The following SCCPDH variants were observed in gnomAD, a reference collection of about 807,000 sequenced individuals.
SCCPDH encodes the protein saccharopine dehydrogenase (putative).
A neutral mutation model predicts 51.5 loss-of-function variants in SCCPDH; 34 were observed. The observed-to-expected ratio is 0.66, with a 90% CI of 0.50 to 0.88. The LOEUF is 0.88. Among genes scored for constraint, SCCPDH ranks in the 40% least tolerant of loss-of-function variants. The pLI is 0.00. For missense variants in SCCPDH, 464 were observed against 527.1 expected (o/e 0.88, Z 1.17); for synonymous variants, 187 against 191.3 (o/e 0.98, Z 0.19).
At chr1:246,759,258 A>T in intron 7 of SCCPDH, 107 bp downstream of exon 7, 1 of 684,014 alleles carries the variant, frequency 1.5e-6, no homozygotes, top group Non-Finnish European at 2.6e-6. Flanking sequence ...GAGCTAAGTA[A>T]TACATGTTTC....
chr1:246,739,347 G>A (rs1467318442), intron 3 of SCCPDH, among the ~76,000 whole-genome samples: 1 of 152,166 alleles, frequency 6.6e-6, no homozygotes, highest in Non-Finnish European at 1.5e-5. Flanking sequence ...AATGAGAAAA[G>A]CATGAGACAA....
At chr1:246,755,247 C>G (rs1162895403) in intron 5 of SCCPDH, among the ~76,000 whole-genome samples, 1 of 152,172 alleles carries the variant, frequency 6.6e-6, no homozygotes, top group Non-Finnish European at 1.5e-5. Flanking sequence ...CAATTCCCAT[C>G]AAAATCACAA....
chr1:246,746,151 G>T, intron 5 of SCCPDH, among the ~76,000 whole-genome samples: 1 of 149,044 alleles, frequency 6.7e-6, no homozygotes, highest in South Asian at 2.1e-4. Context: ...GGCTTTATTT[G>T]GCTGGAGCTT....
intron 2 of SCCPDH, among the ~76,000 whole-genome samples, chr1:246,730,471 A>C (rs1668476592): frequency 6.6e-6 from 1 of 152,168 alleles, no homozygotes; most frequent in South Asian, 2.1e-4. Context: ...ATTAGGTTGC[A>C]GTAAAGTGAA....
intron 2 of SCCPDH, among the ~76,000 whole-genome samples, chr1:246,734,273 A>G (rs1404138303): frequency 6.6e-6 from 1 of 152,248 alleles, no homozygotes; most frequent in Non-Finnish European, 1.5e-5. Flanking sequence ...AGGATCAACC[A>G]GGATAATCCA....
intron 5 of SCCPDH, chr1:246,755,869 C>A (rs542552279): frequency 2.0e-5 from 3 of 152,266 alleles, no homozygotes; most frequent in African/African-American, 7.2e-5. Context: ...AGCAGGCCTC[C>A]GGGCTTCAAG....
intron 3 of SCCPDH, among the ~76,000 whole-genome samples, chr1:246,736,593 TGGGAGGCTGA>T (rs915557660): frequency 6.6e-6 from 1 of 151,742 alleles, no homozygotes; most frequent in Non-Finnish European, 1.5e-5. Context: ...CCCAGCTTCT[TGGGAGGCTGA>T]GGTGGGAGAA....
intron 2 of SCCPDH, among the ~76,000 whole-genome samples, chr1:246,732,991 C>T (rs1413727251): frequency 6.6e-6 from 1 of 152,202 alleles, no homozygotes; most frequent in Non-Finnish European, 1.5e-5. Flanking sequence ...CAGCCATTTG[C>T]TCAGTTTTGT....
chr1:246,749,756 CTT>C (rs1668823949), intron 5 of SCCPDH, among the ~76,000 whole-genome samples: 1 of 152,208 alleles, frequency 6.6e-6, no homozygotes, highest in Admixed American at 6.5e-5. Flanking sequence ...ATACTGGACT[CTT>C]TGTCAAAGTC....
At chr1:246,737,667 C>T (rs1450447059) in intron 3 of SCCPDH, among the ~76,000 whole-genome samples, 1 of 151,966 alleles carries the variant, frequency 6.6e-6, no homozygotes. Context: ...TCTTGGCTCA[C>T]TGTAACCTCT....
chr1:246,756,369 T>C (rs1668932786), intron 5 of SCCPDH, among the ~76,000 whole-genome samples: 2 of 152,238 alleles, frequency 1.3e-5, no homozygotes. Flanking sequence ...GAGGGCCTTC[T>C]TAGTTGCTGG....
In SCCPDH at chr1:246,760,011, A is replaced by G. The variant is rs1404695875; in HGVS notation, c.868A>G (p.Met290Val). The stretch of plus-strand genomic sequence containing the variant: ...AGGCATCACCTCTGTTATTAAGCTG[A>G]TGTTTGCAGGACTTTTCTTTTTGTT... ...VGGITSVIKL[M>V]FAGLFFLFFV... The change falls in exon 8 of 12, where the codon ATG (methionine) becomes GTG (valine). Residue 290 changes from methionine to valine, a missense_variant. Physicochemically the swap from Met to Val is conservative, Grantham distance 21. Transcript: ENST00000366510. 6.2e-7 allele frequency: 1 copy of G among 1,613,734 alleles called. No homozygotes were observed.
chr1:246,743,839 C>T (rs1296924272), intron 4 of SCCPDH, among the ~76,000 whole-genome samples: 2 of 152,132 alleles, frequency 1.3e-5, no homozygotes, highest in Non-Finnish European at 2.9e-5. Flanking sequence ...AATCCTTAGA[C>T]CTAATAGAGA....
At chr1:246,751,615 TGCATAAATTCCC>T (rs1270504763) in intron 5 of SCCPDH, among the ~76,000 whole-genome samples, 14 of 152,342 alleles carry the variant, frequency 9.2e-5, no homozygotes, top group African/African-American at 3.4e-4. Context: ...TGACATTTCT[TGCATAAATTCCC>T]TTTTATAACA....
At chr1:246,741,805 G>A (rs1053040841) in intron 4 of SCCPDH, among the ~76,000 whole-genome samples, 2 of 152,196 alleles carry the variant, frequency 1.3e-5, no homozygotes, top group African/African-American at 2.4e-5. Context: ...GGTGGCTCAC[G>A]CCTGTAATCC....
chr1:246,740,106 A>T (rs1188880415), intron 3 of SCCPDH, 66 bp from the exon 4 acceptor site: 2 of 1,274,514 alleles, frequency 1.6e-6, no homozygotes, highest in Non-Finnish European at 2.2e-6. Flanking sequence ...TTTAAAGATA[A>T]ATTATTTAAT....
chr1:246,756,149 A>G (rs1457442106), intron 5 of SCCPDH, among the ~76,000 whole-genome samples: 2 of 152,234 alleles, frequency 1.3e-5, no homozygotes, highest in African/African-American at 4.8e-5. Flanking sequence ...GCTAGCTGCA[A>G]TGTAGGAGTT....
At chr1:246,745,836 T>C (rs927735497) in intron 5 of SCCPDH, among the ~76,000 whole-genome samples, 7 of 152,012 alleles carry the variant, frequency 4.6e-5, no homozygotes, top group Non-Finnish European at 1.0e-4. Flanking sequence ...TGGCCGGGCA[T>C]GGTGGCTCAC....
At chr1:246,753,415 A>G (rs1015518209) in intron 5 of SCCPDH, among the ~76,000 whole-genome samples, 2 of 152,172 alleles carry the variant, frequency 1.3e-5, no homozygotes, top group Non-Finnish European at 2.9e-5. Context: ...TCCCTGCCCA[A>G]GAGGATCCTC....
Sources: gnomAD v4.1 joint callset for allele counts (sites outside exome capture counted in the v4.1 genomes callset) on GRCh38, gnomAD v4.1.1 for gene constraint, MANE v1.5 for transcripts, NCBI Gene and HGNC (gene_info 2026-07-23, HGNC 2026-07-21) for gene names.